RAB40B: variants seen among roughly 807,000 people sequenced by gnomAD.
RAB40B encodes ras-related protein Rab-40B.
A neutral mutation model predicts 24.0 loss-of-function variants in RAB40B; 21 were observed. The ratio of observed to expected loss-of-function variants is 0.88; its 90% CI spans 0.62 to 1.26. The LOEUF is 1.26. Ranked by LOEUF, RAB40B falls within the 50% of genes most tolerant of loss-of-function variation. The pLI is 0.00. For synonymous variants in RAB40B, 167 were observed against 169.8 expected (o/e 0.98, Z 0.13); for missense variants, 348 against 390.5 (o/e 0.89, Z 0.92).
chr17:82,664,545 T>A lies in RAB40B; in HGVS notation c.154A>T (p.Lys52Ter). Residue 52 changes from lysine (K) to a stop codon, truncating the protein, a stop_gained, in exon 2 of 6, where the codon AAG becomes TAG. Transcript: ENST00000571995. LOFTEE classifies it high-confidence loss of function. ...PYGHPAGIDY[K>*]TTTILLDGRR... ...CCGTCCAGCAGGATGGTGGTCGTCT[T>A]GTAGTCGATGCCTGCGGAAGGGTTA... The A allele has an allele frequency of 1.2e-6, 2 of 1,613,588 alleles. No homozygotes were observed. The highest frequency in any genetic ancestry group is 1.7e-6 in the Non-Finnish European group (2 of 1,179,618).
intron 4 of RAB40B, chr17:82,659,180 T>C: frequency 3.6e-6 from 1 of 278,832 alleles, no homozygotes; most frequent in Non-Finnish European, 6.9e-6. Context: ...CCCGGGACAC[T>C]CATACAGTGG....
intron 3 of RAB40B, among the ~76,000 whole-genome samples, chr17:82,659,986 C>T (rs375405932): frequency 1.1e-4 from 17 of 152,358 alleles, no homozygotes; most frequent in African/African-American, 3.4e-4. Context: ...CACGCATACA[C>T]GTGCACATAC....
intron 1 of RAB40B, among the ~76,000 whole-genome samples, chr17:82,688,156 A>C (rs1040457191): frequency 2.0e-5 from 3 of 152,106 alleles, no homozygotes; most frequent in African/African-American, 7.2e-5. Flanking sequence ...GCCGGGGCCC[A>C]AAACACACTA....
chr17:82,688,814 A>G (rs2046528188), intron 1 of RAB40B, among the ~76,000 whole-genome samples: 1 of 152,120 alleles, frequency 6.6e-6, no homozygotes, highest in Non-Finnish European at 1.5e-5. Context: ...CATGCCTGTA[A>G]TCCCAGCTAC....
chr17:82,697,668 C>T lies in RAB40B; in HGVS notation c.142+787G>A, dbSNP rs924621935. Reference sequence around the variant, plus strand: ...GCCGAGGTGTTCGCCTCTGCGCGTTCCCCCTTCTCCTGGGTTCCTGCCCCC... The same window carrying T: ...GCCGAGGTGTTCGCCTCTGCGCGTTTCCCCTTCTCCTGGGTTCCTGCCCCC... On this transcript the variant is annotated intron_variant, in intron 1 of 5. Transcript: ENST00000571995. This position sits in a 1 kb window ranked among gnomAD's most constrained non-coding sequence, Gnocchi z 4.9. 1.3e-5 allele frequency among the ~76,000 whole-genome samples: 2 copies of T among 152,220 alleles called. No individual in the cohort carries two copies. Among genetic ancestry groups the T allele is most frequent in the Non-Finnish European group, 2.9e-5 (2 of 68,026 alleles).
intron 1 of RAB40B, among the ~76,000 whole-genome samples, chr17:82,669,844 C>T (rs535347810): frequency 2.0e-5 from 3 of 152,244 alleles, no homozygotes; most frequent in Admixed American, 6.5e-5. Context: ...GTCCTGCAGC[C>T]GTCAGCAATG....
intron 1 of RAB40B, among the ~76,000 whole-genome samples, chr17:82,680,400 C>T (rs905290889): frequency 9.9e-5 from 15 of 152,180 alleles, no homozygotes; most frequent in African/African-American, 3.4e-4. Context: ...AGTTCCCCCA[C>T]GTGTGTGAGC....
intron 1 of RAB40B, among the ~76,000 whole-genome samples, chr17:82,679,774 G>A (rs980866063): frequency 5.9e-5 from 9 of 151,892 alleles, no homozygotes; most frequent in African/African-American, 2.2e-4. Flanking sequence ...ACCAAGCACA[G>A]GGCAGGGGCC....
chr17:82,688,396 C>CCT (rs2046524016), intron 1 of RAB40B, among the ~76,000 whole-genome samples: 7 of 149,910 alleles, frequency 4.7e-5, no homozygotes, highest in South Asian at 4.2e-4. Flanking sequence ...GGGTAGATCA[C>CCT]GAGGTCAGGA....
At chr17:82,672,240 C>CACGCTCCCTGTACCCACTG (rs2046347611) in intron 1 of RAB40B, among the ~76,000 whole-genome samples, 1 of 149,548 alleles carries the variant, frequency 6.7e-6, no homozygotes, top group Non-Finnish European at 1.5e-5. Context: ...CACACACTCA[C>CACGCTCCCTGTACCCACTG]ACGCTCCCTG....
chr17:82,670,010 C>A (rs114598293), intron 1 of RAB40B, among the ~76,000 whole-genome samples: 1 of 152,236 alleles, frequency 6.6e-6, no homozygotes, highest in East Asian at 1.9e-4. Flanking sequence ...TTTTCGAATG[C>A]GGAGATAACT....
chr17:82,664,288 G>A (rs2015031), intron 2 of RAB40B, among the ~76,000 whole-genome samples: 34,789 of 134,820 alleles, frequency 0.26, 4,876 homozygotes, highest in Middle Eastern at 0.49. Context: ...GGTGCTCCCC[G>A]GGGTGCTGTG....
chr17:82,687,260 A>T (rs2046512199), intron 1 of RAB40B, among the ~76,000 whole-genome samples: 1 of 152,226 alleles, frequency 6.6e-6, no homozygotes, highest in Non-Finnish European at 1.5e-5. Flanking sequence ...AATCTAAGAG[A>T]AAATTTCATA....
At position 82,659,943 on chromosome 17, in the gene RAB40B, CGAG is replaced by C. The variant is rs534856724; in HGVS notation, c.265-289_265-287del. 1.3e-4 allele frequency among the ~76,000 whole-genome samples: 20 copies of C among 152,364 alleles called. 1 individual carries two copies. The South Asian group carries it at 3.9e-3, about 30-fold the overall frequency. On this transcript the variant is annotated intron_variant, in intron 3 of 5. Coordinates refer to ENST00000571995, the MANE Select transcript of RAB40B (RefSeq NM_006822.3). ...GGGCACCGCAGTAATCGCCACCTCTCGAGGAGTGTGGCCCACTCACCTGGATGG... is the reference window on the plus strand; with the variant it reads ...GGGCACCGCAGTAATCGCCACCTCTCGAGTGTGGCCCACTCACCTGGATGG...
chr17:82,665,011 CTG>C (rs1473236199), intron 1 of RAB40B: 1 of 170,986 alleles, frequency 5.8e-6, no homozygotes, highest in East Asian at 1.7e-4. Flanking sequence ...GACACTGAGA[CTG>C]CGTCCCCCAG....
chr17:82,673,031 T>C (rs1252879691), intron 1 of RAB40B, among the ~76,000 whole-genome samples: 1 of 152,028 alleles, frequency 6.6e-6, no homozygotes, highest in Non-Finnish European at 1.5e-5. Flanking sequence ...TGGTGAAACC[T>C]CATCTCTACT....
chr17:82,658,770 G>A (rs1346308477), intron 4 of RAB40B, 57 bp from the exon 5 acceptor site: 24 of 1,489,406 alleles, frequency 1.6e-5, no homozygotes, highest in Middle Eastern at 1.9e-4. Flanking sequence ...TTTTGTTGTC[G>A]TCGTAATGTG....
At chr17:82,671,446 C>T in intron 1 of RAB40B, among the ~76,000 whole-genome samples, 1 of 139,978 alleles carries the variant, frequency 7.1e-6, no homozygotes, top group South Asian at 2.5e-4. Flanking sequence ...CCTGTACTAA[C>T]TGACACACCC....
chr17:82,694,944 T>C (rs1452148471), intron 1 of RAB40B, among the ~76,000 whole-genome samples: 1 of 151,762 alleles, frequency 6.6e-6, no homozygotes, highest in Non-Finnish European at 1.5e-5. Context: ...TAATGAAATC[T>C]AGGTGATTAA....
Sources: allele counts gnomAD v4.1 joint callset (sites outside exome capture counted in the v4.1 genomes callset), GRCh38; gene constraint gnomAD v4.1.1; non-coding constraint Gnocchi (gnomAD v3.1); transcripts MANE v1.5; gene names NCBI Gene and HGNC (gene_info 2026-07-23, HGNC 2026-07-21).